FHIT: variants seen among roughly 807,000 people sequenced by gnomAD.
FHIT encodes bis(5'-adenosyl)-triphosphatase.
Under a neutral mutation model 17.9 loss-of-function variants are expected in FHIT, and 19 were observed. The observed-to-expected ratio is 1.06, with a 90% CI of 0.74 to 1.56. The LOEUF is 1.56. FHIT is among the 40% of genes most tolerant of loss of function. The pLI is 0.00. For missense variants in FHIT, 248 were observed against 189.2 expected (o/e 1.31, Z -1.82); for synonymous variants, 81 against 69.7 (o/e 1.16, Z -0.81).
intron 7 of FHIT, among the ~76,000 whole-genome samples, chr3:59,957,271 A>T (rs1319733362): frequency 6.6e-6 from 1 of 152,224 alleles, no homozygotes; most frequent in Non-Finnish European, 1.5e-5. Context: ...GGGAATTTGG[A>T]TACACAAAGA....
chr3:60,894,126 T>C (rs1705661722), intron 3 of FHIT, among the ~76,000 whole-genome samples: 1 of 152,174 alleles, frequency 6.6e-6, no homozygotes, highest in Non-Finnish European at 1.5e-5. Context: ...GTTGCTTTTG[T>C]TTGATTTGGT....
At chr3:59,764,316 G>A (rs1273905283) in intron 8 of FHIT, among the ~76,000 whole-genome samples, 1 of 152,160 alleles carries the variant, frequency 6.6e-6, no homozygotes, top group Non-Finnish European at 1.5e-5. Flanking sequence ...ATCTAGCCAG[G>A]TGCTTGGCAC....
intron 5 of FHIT, among the ~76,000 whole-genome samples, chr3:60,343,494 AGAAAGGTGGTGTATTAAAGATGAG>A (rs1710627005): frequency 6.6e-6 from 1 of 152,186 alleles, no homozygotes; most frequent in African/African-American, 2.4e-5. Flanking sequence ...GGTATGATGA[AGAAAGGTGGTGTATTAAAGATGAG>A]GAAAGGTGGT....
At chr3:59,773,076 G>A (rs1486578150) in intron 8 of FHIT, among the ~76,000 whole-genome samples, 1 of 152,142 alleles carries the variant, frequency 6.6e-6, no homozygotes, top group Non-Finnish European at 1.5e-5. Context: ...TTTTGTTTGA[G>A]AGTTTCCACC....
chr3:59,971,469 G>A (rs991718812), intron 7 of FHIT, among the ~76,000 whole-genome samples: 3 of 151,236 alleles, frequency 2.0e-5, no homozygotes, highest in African/African-American at 7.3e-5. Context: ...CTGATAGATA[G>A]AACCTAAGGT....
chr3:59,905,713 A>G (rs1278297142), intron 8 of FHIT, among the ~76,000 whole-genome samples: 2 of 152,222 alleles, frequency 1.3e-5, no homozygotes, highest in Non-Finnish European at 2.9e-5. Flanking sequence ...TCTTGCACTT[A>G]AAATCCAGAA....
At chr3:60,532,616 C>T (rs1372400921) in intron 5 of FHIT, among the ~76,000 whole-genome samples, 2 of 152,128 alleles carry the variant, frequency 1.3e-5, no homozygotes, top group East Asian at 3.8e-4. Context: ...GACATTCTGA[C>T]ATATTCTTCT....
At chr3:60,345,254 C>G (rs994176513) in intron 5 of FHIT, among the ~76,000 whole-genome samples, 1 of 152,170 alleles carries the variant, frequency 6.6e-6, no homozygotes, top group Non-Finnish European at 1.5e-5. Flanking sequence ...CCTGTTGAAG[C>G]TGGGCAGGGC....
chr3:59,990,533 C>G (rs1709180234), intron 7 of FHIT, among the ~76,000 whole-genome samples: 2 of 152,078 alleles, frequency 1.3e-5, no homozygotes, highest in Admixed American at 1.3e-4. Flanking sequence ...ATCCACTTTG[C>G]AAACTGCTTA....
At chr3:60,092,292 A>G (rs1384758589) in intron 5 of FHIT, among the ~76,000 whole-genome samples, 1 of 152,206 alleles carries the variant, frequency 6.6e-6, no homozygotes, top group Non-Finnish European at 1.5e-5. Flanking sequence ...AGTTTTGATT[A>G]CATAAAGATC....
intron 5 of FHIT, among the ~76,000 whole-genome samples, chr3:60,045,219 A>T (rs1171028974): frequency 6.6e-6 from 1 of 152,108 alleles, no homozygotes; most frequent in African/African-American, 2.4e-5. Flanking sequence ...ATTAACTTAA[A>T]ATGGTTAAAA....
Position 60,457,634 on chromosome 3 carries a change from G to A in FHIT, c.103+79226C>T, listed in dbSNP as rs183273032. 2.5e-4 allele frequency among the ~76,000 whole-genome samples: 38 copies of A among 152,052 alleles called. No homozygotes were observed. In the East Asian group the frequency reaches 6.4e-3, roughly 26 times the overall value. ...CACAGCAAAAGAATCTACCATCAGA[G>A]TGAACAGGCAACCTACAGAATGGGA... On this transcript the variant is annotated intron_variant, in intron 5 of 9. Coordinates refer to ENST00000492590, the MANE Select transcript of FHIT (RefSeq NM_002012.4).
chr3:60,117,823 C>T (rs987914177), intron 5 of FHIT, among the ~76,000 whole-genome samples: 1 of 152,066 alleles, frequency 6.6e-6, no homozygotes, highest in African/African-American at 2.4e-5. Context: ...TCCCCTGCTT[C>T]CTCTGTACAA....
intron 5 of FHIT, among the ~76,000 whole-genome samples, chr3:60,131,496 C>T (rs1169589903): frequency 6.6e-6 from 1 of 152,060 alleles, no homozygotes; most frequent in East Asian, 1.9e-4. Flanking sequence ...TATATGATCC[C>T]ATTATATTAT....
chr3:61,078,392 T>C (rs1034550314), intron 2 of FHIT, among the ~76,000 whole-genome samples: 2 of 151,990 alleles, frequency 1.3e-5, no homozygotes, highest in African/African-American at 4.8e-5. Context: ...TTCCACTGAG[T>C]CTCTGGAGTT....
At chr3:60,074,102 C>A (rs1702901716) in intron 5 of FHIT, among the ~76,000 whole-genome samples, 1 of 151,992 alleles carries the variant, frequency 6.6e-6, no homozygotes, top group Admixed American at 6.6e-5. Context: ...TTTGCTGGGT[C>A]TTGGAGGGTG....
At chr3:61,064,761 C>G (rs2034543790) in intron 2 of FHIT, among the ~76,000 whole-genome samples, 1 of 152,120 alleles carries the variant, frequency 6.6e-6, no homozygotes, top group Admixed American at 6.6e-5. Context: ...GATCATATAG[C>G]AAGGACTAAA....
At chr3:59,825,372 C>G (rs1437303499) in intron 8 of FHIT, among the ~76,000 whole-genome samples, 1 of 152,162 alleles carries the variant, frequency 6.6e-6, no homozygotes, top group African/African-American at 2.4e-5. Flanking sequence ...GTTAATGGCA[C>G]TTTCATTTAT....
At chr3:61,229,047 G>C (rs1396901909) in intron 1 of FHIT, among the ~76,000 whole-genome samples, 1 of 152,172 alleles carries the variant, frequency 6.6e-6, no homozygotes, top group Non-Finnish European at 1.5e-5. Flanking sequence ...CAGAGCACTA[G>C]AGTAAAAACC....
Sources: gnomAD v4.1 joint callset for allele counts (sites outside exome capture counted in the v4.1 genomes callset) on GRCh38, gnomAD v4.1.1 for gene constraint, MANE v1.5 for transcripts, NCBI Gene and HGNC (gene_info 2026-07-23, HGNC 2026-07-21) for gene names.